Variants in GNE observed in about 807,000 individuals in gnomAD.
GNE encodes bifunctional UDP-N-acetylglucosamine 2-epimerase/N-acetylmannosamine kinase.
In GNE, 41 loss-of-function variants were observed where a neutral mutation model predicts 61.8. The observed-to-expected ratio is 0.66, with a 90% confidence interval of 0.52 to 0.86. The LOEUF (loss-of-function observed/expected upper bound fraction) is 0.86. GNE is among the 40% of genes least tolerant of loss of function. GNE has a pLI of 0.00. For missense variants in GNE, 608 were observed against 909.1 expected (o/e 0.67, Z 4.26); for synonymous variants, 264 against 326.4 (o/e 0.81, Z 2.06).
upstream of GNE, among the ~76,000 whole-genome samples, chr9:36,261,615 G>A (rs1830620975): frequency 6.7e-6 from 1 of 150,210 alleles, no homozygotes; most frequent in Non-Finnish European, 1.5e-5. Flanking sequence ...TACCACAAGA[G>A]GTATTGAAAG....
chr9:36,253,806 G>T (rs1168573918), intron 1 of GNE, among the ~76,000 whole-genome samples: 3 of 151,674 alleles, frequency 2.0e-5, no homozygotes, highest in Non-Finnish European at 2.9e-5. Flanking sequence ...GGGAGGCTGA[G>T]GTGGGCGGAT....
intron 1 of GNE, among the ~76,000 whole-genome samples, chr9:36,271,462 C>T (rs930094496): frequency 1.3e-5 from 2 of 152,208 alleles, no homozygotes; most frequent in African/African-American, 2.4e-5. Flanking sequence ...AAACCTCCAC[C>T]TCCCGGGTTC....
At chr9:36,243,968 G>A (rs199527324) in intron 3 of GNE, among the ~76,000 whole-genome samples, 6 of 116,302 alleles carry the variant, frequency 5.2e-5, no homozygotes, top group Non-Finnish European at 7.5e-5. Flanking sequence ...GTTTTTTTTT[G>A]TTTTGTTTTG....
At chr9:36,248,982 C>T (rs1354096068) in intron 2 of GNE, among the ~76,000 whole-genome samples, 1 of 152,198 alleles carries the variant, frequency 6.6e-6, no homozygotes. Flanking sequence ...ATATCATGAT[C>T]TCCATTCCTC....
At chr9:36,262,986 C>T (rs1830657756), upstream of GNE, among the ~76,000 whole-genome samples, 1 of 152,020 alleles carries the variant, frequency 6.6e-6, no homozygotes, top group African/African-American at 2.4e-5. Context: ...TGTATATACC[C>T]CCTACTTTAC....
intron 1 of GNE, among the ~76,000 whole-genome samples, chr9:36,255,271 G>A (rs531764401): frequency 1.3e-5 from 2 of 152,006 alleles, no homozygotes; most frequent in South Asian, 2.1e-4. Flanking sequence ...GCAGTGGTGC[G>A]ACCTCAGCTC....
At chr9:36,261,184 TTCCC>T (rs1184412656), upstream of GNE, among the ~76,000 whole-genome samples, 4 of 152,128 alleles carry the variant, frequency 2.6e-5, no homozygotes, top group Non-Finnish European at 4.4e-5. Flanking sequence ...CAAGATAATT[TTCCC>T]TCTCAAAGTC....
At chr9:36,244,139 T>C (rs1051626838) in intron 3 of GNE, among the ~76,000 whole-genome samples, 1 of 151,992 alleles carries the variant, frequency 6.6e-6, no homozygotes, top group African/African-American at 2.4e-5. Context: ...AATTTTCTTA[T>C]TTTTTGTAGA....
chr9:36,254,678 G>A (rs1048100066), intron 1 of GNE, among the ~76,000 whole-genome samples: 1 of 150,872 alleles, frequency 6.6e-6, no homozygotes, highest in East Asian at 2.0e-4. Context: ...TCGGCCGGGC[G>A]CAGTGGCTCA....
intron 10 of GNE, 33 bp downstream of exon 10, chr9:36,219,805 G>C (rs202043018): frequency 8.8e-5 from 138 of 1,575,786 alleles, no homozygotes; most frequent in Non-Finnish European, 8.6e-5. Flanking sequence ...TCTACTATTT[G>C]GTTACTTAAT....
At chr9:36,228,730 G>A (rs1829004637) in intron 6 of GNE, among the ~76,000 whole-genome samples, 1 of 146,184 alleles carries the variant, frequency 6.8e-6, no homozygotes, top group African/African-American at 2.5e-5. Flanking sequence ...GGAGGCGGAG[G>A]TTGCAGTGAG....
chr9:36,228,912 A>G (rs1038754558), intron 6 of GNE, 109 bp downstream of exon 6: 9 of 791,704 alleles, frequency 1.1e-5, no homozygotes, highest in African/African-American at 5.1e-5. Context: ...GCCCGTAGGC[A>G]TAAGAAGGAA....
chr9:36,257,915 AG>A (rs1830451345), intron 1 of GNE, among the ~76,000 whole-genome samples: 1 of 147,622 alleles, frequency 6.8e-6, no homozygotes, highest in African/African-American at 2.5e-5. Context: ...CAGAGCAGGG[AG>A]GGGACCTTTT....
At chr9:36,248,712 CTACTT>C (rs1275920581) in intron 2 of GNE, among the ~76,000 whole-genome samples, 2 of 152,172 alleles carry the variant, frequency 1.3e-5, no homozygotes, top group African/African-American at 2.4e-5. Context: ...ATGTAACTCT[CTACTT>C]TACCTTGCAG....
chr9:36,258,610 A>G (rs1205798499), upstream of GNE: 8 of 712,194 alleles, frequency 1.1e-5, no homozygotes, highest in African/African-American at 3.8e-5. Flanking sequence ...AGGCGCAGGC[A>G]GGGTGCTGAC....
intron 3 of GNE, among the ~76,000 whole-genome samples, chr9:36,238,489 C>T (rs1440339182): frequency 1.3e-5 from 2 of 152,198 alleles, no homozygotes; most frequent in African/African-American, 4.8e-5. Context: ...TTGCATTTCC[C>T]TGATCATTAG....
intron 9 of GNE, 152 bp from the exon 10 acceptor site, chr9:36,220,172 C>G: frequency 1.4e-6 from 1 of 720,528 alleles, no homozygotes. Context: ...TCAAAGCATT[C>G]TCTGGCAGCA....
chr9:36,257,795 T>A (rs1353885878), intron 1 of GNE, among the ~76,000 whole-genome samples: 1 of 58,438 alleles, frequency 1.7e-5, no homozygotes, highest in African/African-American at 1.0e-4. Flanking sequence ...AGAGCGAGAC[T>A]CAGTCTCAAA....
intron 1 of GNE, among the ~76,000 whole-genome samples, chr9:36,257,798 GT>G (rs1830434449): frequency 3.0e-5 from 1 of 32,852 alleles, no homozygotes; most frequent in African/African-American, 2.1e-4. Context: ...GCGAGACTCA[GT>G]CTCAAAAAAA....
Sources: allele counts gnomAD v4.1 joint callset (sites outside exome capture counted in the v4.1 genomes callset), GRCh38; gene constraint gnomAD v4.1.1; transcripts MANE v1.5; gene names NCBI Gene and HGNC (gene_info 2026-07-23, HGNC 2026-07-21).